Variants in PDE8A observed in about 807,000 individuals in gnomAD.
PDE8A encodes high affinity cAMP-specific and IBMX-insensitive 3',5'-cyclic phosphodiesterase 8A.
Under a neutral mutation model 105.0 loss-of-function variants are expected in PDE8A, and 59 were observed. The observed-to-expected ratio is 0.56, with a 90% CI of 0.46 to 0.70. The LOEUF (loss-of-function observed/expected upper bound fraction) is 0.70, where lower values mean the gene tolerates loss of function less well. Among genes scored for constraint, PDE8A ranks in the 30% least tolerant of loss-of-function variants. The pLI is 0.00. For missense variants in PDE8A, 1,014 were observed against 1,045.9 expected (o/e 0.97, Z 0.42); for synonymous variants, 355 against 371.9 (o/e 0.95, Z 0.52).
At chr15:85,023,619 T>C (rs1009984009) in intron 1 of PDE8A, among the ~76,000 whole-genome samples, 1 of 152,096 alleles carries the variant, frequency 6.6e-6, no homozygotes. Flanking sequence ...GCTAGCAGCA[T>C]AGGAATATTA....
At chr15:85,022,792 A>T (rs1043400853) in intron 1 of PDE8A, among the ~76,000 whole-genome samples, 2 of 151,950 alleles carry the variant, frequency 1.3e-5, no homozygotes, top group Non-Finnish European at 2.9e-5. Flanking sequence ...ACCTCTGATG[A>T]TCTGCCCACC....
chr15:85,034,301 C>T (rs1007157636), intron 1 of PDE8A, among the ~76,000 whole-genome samples: 7 of 152,104 alleles, frequency 4.6e-5, no homozygotes, highest in African/African-American at 1.4e-4. Context: ...AGAATATTCT[C>T]GTGAACGCTT....
At chr15:85,098,148 T>A in intron 9 of PDE8A, 112 bp downstream of exon 9, 5 of 706,770 alleles carry the variant, frequency 7.1e-6, no homozygotes, top group Non-Finnish European at 1.0e-5. Flanking sequence ...AGGTCAGGTG[T>A]CATCACAGAA....
In PDE8A at chr15:85,075,907, T is replaced by C; in HGVS notation, c.480T>C (p.Gly160=). ...TCTCAGAAAACACAGTTATTGTTGG[T>C]GTAGTACGCAGGTAAACTTTCATTT... The part of the protein sequence containing the change: ...SKLSENTVIV[G]VVRRVDREEL... Residue 160 remains glycine, a synonymous_variant, in exon 4 of 22, where the codon GGT becomes GGC. Transcript: ENST00000394553. 6.4e-7 allele frequency: 1 copy of C among 1,569,372 alleles called. No individual in the cohort carries two copies. The highest frequency in any genetic ancestry group is 2.3e-5 in the East Asian group (1 of 44,424).
At chr15:85,018,438 A>G (rs1427070732) in intron 1 of PDE8A, among the ~76,000 whole-genome samples, 1 of 152,200 alleles carries the variant, frequency 6.6e-6, no homozygotes, top group Non-Finnish European at 1.5e-5. Flanking sequence ...CAGTTGGTCC[A>G]CGGGCCACAC....
At chr15:85,063,363 A>G (rs2081174868) in intron 1 of PDE8A, 1 of 152,172 alleles carries the variant, frequency 6.6e-6, no homozygotes, top group Admixed American at 6.5e-5. Flanking sequence ...ATACCATCAC[A>G]CAGAGGCCCA....
At chr15:85,046,312 G>A (rs552218823) in intron 1 of PDE8A, among the ~76,000 whole-genome samples, 1 of 152,208 alleles carries the variant, frequency 6.6e-6, no homozygotes, top group Non-Finnish European at 1.5e-5. Flanking sequence ...GCCTCCCAAA[G>A]TGCTGGGATT....
Position 85,123,156 on chromosome 15 carries a change from G to A in PDE8A, c.2048G>A (p.Ser683Asn). Residue 683 changes from serine to asparagine, a missense_variant, in exon 19 of 22, where the codon AGC (serine) becomes AAC (asparagine). Ser to Asn is a conservative substitution (Grantham distance 46). Coordinates refer to ENST00000394553, the MANE Select transcript of PDE8A (RefSeq NM_002605.3). ...GAGCATGTCAACAAATTTGTCAACAGCATCAACAAACCCTTGGCAACACTA... is the reference window on the plus strand; with the variant it reads ...GAGCATGTCAACAAATTTGTCAACAACATCAACAAACCCTTGGCAACACTA... ...HFEHVNKFVN[S>N]INKPLATLEE... 6.2e-7 allele frequency: 1 copy of A among 1,613,974 alleles called. No homozygotes were observed. Among genetic ancestry groups the A allele is most frequent in the Non-Finnish European group, 8.5e-7 (1 of 1,179,930 alleles).
chr15:85,029,569 T>G (rs2080578452), intron 1 of PDE8A, among the ~76,000 whole-genome samples: 1 of 152,102 alleles, frequency 6.6e-6, no homozygotes, highest in Admixed American at 6.5e-5. Flanking sequence ...TACATTTTAC[T>G]TCTATTTATT....
chr15:85,121,590 G>C (rs35533990), intron 18 of PDE8A, among the ~76,000 whole-genome samples: 21,068 of 152,012 alleles, frequency 0.14, 1,876 homozygotes, highest in Middle Eastern at 0.23. Context: ...GGTGCCCTCA[G>C]TGCCACAGTG....
At chr15:84,994,027 G>A (rs896866293) in intron 1 of PDE8A, among the ~76,000 whole-genome samples, 2 of 152,146 alleles carry the variant, frequency 1.3e-5, no homozygotes, top group African/African-American at 4.8e-5. Context: ...AAGATAGATT[G>A]AGACGCATCT....
At chr15:85,014,619 C>A (rs2080293622) in intron 1 of PDE8A, among the ~76,000 whole-genome samples, 1 of 152,060 alleles carries the variant, frequency 6.6e-6, no homozygotes, top group African/African-American at 2.4e-5. Flanking sequence ...GTCAATTGCT[C>A]TTATTACCTA....
intron 20 of PDE8A, among the ~76,000 whole-genome samples, chr15:85,127,587 A>T (rs1283102797): frequency 6.6e-6 from 1 of 152,234 alleles, no homozygotes; most frequent in East Asian, 1.9e-4. Flanking sequence ...AATAAAATTT[A>T]AAAATTAAAA....
chr15:85,065,112 G>A (rs557479480), intron 2 of PDE8A, among the ~76,000 whole-genome samples: 1 of 152,174 alleles, frequency 6.6e-6, no homozygotes, highest in African/African-American at 2.4e-5. Context: ...TAGAGAAAGG[G>A]CATGTTTAGT....
At chr15:85,126,918 T>C (rs555486170) in intron 20 of PDE8A, among the ~76,000 whole-genome samples, 16 of 152,292 alleles carry the variant, frequency 1.1e-4, no homozygotes, top group African/African-American at 3.9e-4. Context: ...CATCAAAAAC[T>C]ATGAAGGCCA....
intron 1 of PDE8A, among the ~76,000 whole-genome samples, chr15:85,039,690 C>G (rs2080769312): frequency 6.6e-6 from 1 of 152,090 alleles, no homozygotes; most frequent in South Asian, 2.1e-4. Context: ...TCACAACAGC[C>G]AAGATGTAGA....
intron 1 of PDE8A, among the ~76,000 whole-genome samples, chr15:84,998,653 C>T (rs1298433724): frequency 6.6e-6 from 1 of 152,138 alleles, no homozygotes; most frequent in African/African-American, 2.4e-5. Flanking sequence ...TGATCAGCTT[C>T]CTTTACTTCC....
intron 6 of PDE8A, among the ~76,000 whole-genome samples, chr15:85,085,075 T>C (rs139256264): frequency 2.6e-5 from 4 of 152,320 alleles, no homozygotes; most frequent in African/African-American, 9.6e-5. Context: ...ATTCCATTTG[T>C]GTTCCTGTTC....
chr15:84,999,317 C>T (rs2080028709), intron 1 of PDE8A, among the ~76,000 whole-genome samples: 1 of 152,078 alleles, frequency 6.6e-6, no homozygotes, highest in Admixed American at 6.5e-5. Context: ...GATGGGGTTT[C>T]ACCATGTTGG....
Sources: allele counts gnomAD v4.1 joint callset (sites outside exome capture counted in the v4.1 genomes callset), GRCh38; gene constraint gnomAD v4.1.1; transcripts MANE v1.5; gene names NCBI Gene and HGNC (gene_info 2026-07-23, HGNC 2026-07-21).